The following PTPRZ1 variants were observed in gnomAD, a reference collection of about 807,000 sequenced individuals.
PTPRZ1 encodes the protein protein tyrosine phosphatase receptor type Z1, also known as receptor-type tyrosine-protein phosphatase zeta.
A neutral mutation model predicts 214.1 loss-of-function variants in PTPRZ1; 82 were observed. That is an observed-to-expected ratio of 0.38 (90% CI 0.32 to 0.46). The LOEUF (loss-of-function observed/expected upper bound fraction) is 0.46, where lower values mean the gene tolerates loss of function less well. Among genes scored for constraint, PTPRZ1 ranks in the 20% least tolerant of loss-of-function variants. PTPRZ1 has a pLI of 1.00. For missense variants in PTPRZ1, 2,603 were observed against 2,748.7 expected (o/e 0.95, Z 1.19); for synonymous variants, 945 against 987.9 (o/e 0.96, Z 0.81).
chr7:121,919,445 C>A (rs1055305682), intron 1 of PTPRZ1, among the ~76,000 whole-genome samples: 15 of 151,916 alleles, frequency 9.9e-5, no homozygotes, highest in Non-Finnish European at 1.6e-4. Context: ...CTTAATTTTA[C>A]AATTTGTATT....
intron 10 of PTPRZ1, among the ~76,000 whole-genome samples, chr7:121,999,960 G>A (rs1207361171): frequency 1.3e-5 from 2 of 152,068 alleles, no homozygotes; most frequent in Admixed American, 1.3e-4. Flanking sequence ...ATAATGAGAT[G>A]CTTGTTTGGA....
At chr7:122,023,754 T>C (rs1562868757) in intron 13 of PTPRZ1, among the ~76,000 whole-genome samples, 2 of 136,986 alleles carry the variant, frequency 1.5e-5, no homozygotes, top group African/African-American at 5.4e-5. Flanking sequence ...TAATTATATA[T>C]ATAATGTATA....
rs1257785948 is a variant in PTPRZ1, at chr7:121,904,126, C to G, written c.59-24030C>G. 2.0e-5 allele frequency among the ~76,000 whole-genome samples: 3 copies of G among 152,160 alleles called. No individual in the cohort carries two copies. In the South Asian group the frequency reaches 6.2e-4, roughly 32 times the overall value. On this transcript the variant is annotated intron_variant, in intron 1 of 29. Coordinates refer to ENST00000393386, the MANE Select transcript of PTPRZ1 (RefSeq NM_002851.3). ...TGAAATAAGTAAGTATTGAAACCTT[C>G]CCTGATAGATCTCCAAATAATTTCC...
chr7:122,010,827 C>A lies in PTPRZ1; in HGVS notation c.1781C>A (p.Ser594Tyr), dbSNP rs1302448770. The change falls in exon 12 of 30, where the codon TCT becomes TAT. Residue 594 changes from serine (S) to tyrosine (Y), a missense_variant. Ser to Tyr is a moderately radical substitution (Grantham distance 144). Transcript: ENST00000393386. Reference protein sequence around the residue: ...EDSSGSSPATSAIPFISENIS... With the variant: ...EDSSGSSPATYAIPFISENIS... The stretch of plus-strand genomic sequence containing the variant: ...TCTTCAGGCTCCAGTCCCGCAACTT[C>A]TGCTATCCCATTCATCTCTGAGAAC... The A allele has an allele frequency of 6.2e-7, 1 of 1,613,998 alleles. No homozygotes were observed. The highest frequency in any genetic ancestry group is 1.3e-5 in the African/African-American group (1 of 74,914).
intron 1 of PTPRZ1, among the ~76,000 whole-genome samples, chr7:121,918,407 T>C (rs1181556426): frequency 6.6e-6 from 1 of 152,188 alleles, no homozygotes; most frequent in African/African-American, 2.4e-5. Flanking sequence ...TTGTTGCGTT[T>C]CCTGTTTTGC....
At chr7:122,034,739 C>T (rs1200959695) in intron 17 of PTPRZ1, among the ~76,000 whole-genome samples, 2 of 151,970 alleles carry the variant, frequency 1.3e-5, no homozygotes, top group South Asian at 2.1e-4. Context: ...ATTTACCAAC[C>T]GAATTACATT....
chr7:121,899,284 GAC>G (rs1374540704), intron 1 of PTPRZ1, among the ~76,000 whole-genome samples: 3 of 151,962 alleles, frequency 2.0e-5, no homozygotes, highest in Admixed American at 2.0e-4. Flanking sequence ...TTTCATTCAT[GAC>G]TCACAACGTT....
At chr7:121,900,031 A>G (rs1794912141) in intron 1 of PTPRZ1, among the ~76,000 whole-genome samples, 1 of 152,160 alleles carries the variant, frequency 6.6e-6, no homozygotes, top group Non-Finnish European at 1.5e-5. Flanking sequence ...CTGAAGCCTG[A>G]GCAGATGTGA....
chr7:121,906,870 A>C (rs1156680587), intron 1 of PTPRZ1, among the ~76,000 whole-genome samples: 1 of 152,208 alleles, frequency 6.6e-6, no homozygotes, highest in African/African-American at 2.4e-5. Flanking sequence ...TTGTGAAATA[A>C]ACTTGAGTTG....
At chr7:121,993,869 C>A (rs1798048328) in intron 8 of PTPRZ1, among the ~76,000 whole-genome samples, 1 of 151,988 alleles carries the variant, frequency 6.6e-6, no homozygotes, top group Non-Finnish European at 1.5e-5. Flanking sequence ...CCATAAGAGC[C>A]TGTGTCTCCA....
chr7:121,929,040 C>T (rs2116375657), intron 2 of PTPRZ1, among the ~76,000 whole-genome samples: 2 of 152,274 alleles, frequency 1.3e-5, no homozygotes, highest in South Asian at 4.1e-4. Flanking sequence ...AGATGAAGTG[C>T]AGAAGCATGC....
chr7:121,915,960 G>A (rs1010740912), intron 1 of PTPRZ1, among the ~76,000 whole-genome samples: 2 of 152,074 alleles, frequency 1.3e-5, no homozygotes, highest in Non-Finnish European at 2.9e-5. Context: ...GTGCAATAAT[G>A]CTACCTGTGG....
At chr7:122,049,198 TC>T (rs1792096209) in intron 23 of PTPRZ1, among the ~76,000 whole-genome samples, 1 of 152,078 alleles carries the variant, frequency 6.6e-6, no homozygotes, top group Admixed American at 6.5e-5. Context: ...TTCTTAGCCT[TC>T]TAGAAAGTAT....
chr7:121,996,410 G>A lies in PTPRZ1; in HGVS notation c.957G>A (p.Gln319=), dbSNP rs779241586. Residue 319 remains glutamine, a synonymous_variant, in exon 9 of 30, where the codon CAG becomes CAA. Transcript: ENST00000393386. ...GTAGTTCAGAACCAGAAAATGTTCA[G>A]GCTGACCCAGAGAATTATACCAGCC... ...AVCSSEPENV[Q]ADPENYTSLL... 8 of 1,607,888 alleles carry A rather than the reference G, an allele frequency of 5.0e-6. No homozygotes were observed. Among genetic ancestry groups the A allele is most frequent in the Non-Finnish European group, 6.8e-6 (8 of 1,176,560 alleles).
At chr7:121,890,111 A>G (rs1794540580) in intron 1 of PTPRZ1, among the ~76,000 whole-genome samples, 1 of 152,140 alleles carries the variant, frequency 6.6e-6, no homozygotes, top group South Asian at 2.1e-4. Flanking sequence ...CTCTACATTG[A>G]TAACTCCCAA....
At chr7:121,913,310 G>T (rs1795331053) in intron 1 of PTPRZ1, among the ~76,000 whole-genome samples, 1 of 152,126 alleles carries the variant, frequency 6.6e-6, no homozygotes, top group African/African-American at 2.4e-5. Flanking sequence ...AGTGTGCTCT[G>T]GTGCCACTCG....
intron 27 of PTPRZ1, among the ~76,000 whole-genome samples, chr7:122,056,305 C>G (rs548518685): frequency 1.3e-5 from 2 of 151,874 alleles, no homozygotes; most frequent in East Asian, 3.9e-4. Flanking sequence ...TGTTTTTCTC[C>G]TAGTATTATT....
chr7:122,001,929 C>T (rs1300709334), intron 10 of PTPRZ1, among the ~76,000 whole-genome samples: 1 of 152,062 alleles, frequency 6.6e-6, no homozygotes, highest in Non-Finnish European at 1.5e-5. Flanking sequence ...TTCTATAAGC[C>T]AGTATAATTT....
At chr7:121,933,703 G>A (rs1259376788) in intron 2 of PTPRZ1, among the ~76,000 whole-genome samples, 3 of 152,118 alleles carry the variant, frequency 2.0e-5, no homozygotes, top group Admixed American at 6.5e-5. Context: ...CATAATTTAA[G>A]GTTGTGTATA....
Sources: allele counts gnomAD v4.1 joint callset (sites outside exome capture counted in the v4.1 genomes callset), GRCh38; gene constraint gnomAD v4.1.1; transcripts MANE v1.5; gene names NCBI Gene and HGNC (gene_info 2026-07-23, HGNC 2026-07-21).